Variants in IPP observed in about 807,000 individuals in gnomAD.
The protein encoded by IPP is intracisternal A particle-promoted polypeptide.
In IPP, 41 loss-of-function variants were observed where a neutral mutation model predicts 64.1. The ratio of observed to expected loss-of-function variants is 0.64; its 90% CI spans 0.50 to 0.83. The LOEUF (loss-of-function observed/expected upper bound fraction) is 0.83, where lower values mean the gene tolerates loss of function less well. Ranked by LOEUF, IPP falls within the 40% of genes least tolerant of loss-of-function variation. IPP has a pLI of 0.00. For missense variants in IPP, 649 were observed against 703.0 expected (o/e 0.92, Z 0.87); for synonymous variants, 214 against 235.2 (o/e 0.91, Z 0.83).
chr1:45,711,891 A>C, intron 8 of IPP, among the ~76,000 whole-genome samples: 1 of 152,244 alleles, frequency 6.6e-6, no homozygotes, highest in East Asian at 1.9e-4. Flanking sequence ...GTGAAGCTAA[A>C]CCTGACAGAA....
At chr1:45,696,357 CTTAAAG>C (rs1453856266), downstream of IPP, among the ~76,000 whole-genome samples, 8 of 152,166 alleles carry the variant, frequency 5.3e-5, no homozygotes, top group South Asian at 4.1e-4. Flanking sequence ...TGTGCAAGTC[CTTAAAG>C]TTAAAACAAA....
chr1:45,701,476 A>T (rs1645454710), intron 8 of IPP, among the ~76,000 whole-genome samples: 1 of 152,100 alleles, frequency 6.6e-6, no homozygotes, highest in African/African-American at 2.4e-5. Flanking sequence ...TTTGGTAGAG[A>T]CAGTTTCACC....
intron 3 of IPP, among the ~76,000 whole-genome samples, chr1:45,735,840 G>A (rs575426067): frequency 9.8e-5 from 12 of 122,302 alleles, no homozygotes; most frequent in African/African-American, 2.5e-4. Context: ...GGCCAGGCGC[G>A]GTGTCTCACG....
chr1:45,699,237 C>A lies in IPP; in HGVS notation c.*729G>T. On this transcript the variant is annotated 3_prime_UTR_variant, in exon 9 of 9. Coordinates refer to ENST00000396478, the MANE Select transcript of IPP (RefSeq NM_005897.3). ...TTCCCAAACACCCCTCCTAGGATAT[C>A]TGCTGCCAATAAAAAGTTTGGGGCT... 4 of 985,310 alleles carry A rather than the reference C, an allele frequency of 4.1e-6. No homozygotes were observed. The highest frequency in any genetic ancestry group is 4.8e-6 in the Non-Finnish European group (4 of 829,868). 61.0% of individuals were successfully genotyped at this position (985,310 alleles called of 1,614,324 possible).
chr1:45,725,114 G>T (rs1171004119), intron 5 of IPP, among the ~76,000 whole-genome samples: 2 of 136,184 alleles, frequency 1.5e-5, no homozygotes, highest in Non-Finnish European at 3.2e-5. Context: ...GGAGGGGGGA[G>T]GGGGGGTCAG....
chr1:45,724,961 ACTGGGAAG>A (rs1382631202), intron 5 of IPP, among the ~76,000 whole-genome samples: 4 of 90,028 alleles, frequency 4.4e-5, no homozygotes, highest in Non-Finnish European at 4.6e-5. Context: ...GGCCGCCCCT[ACTGGGAAG>A]TGAGGAGCCC....
At chr1:45,729,060 C>T (rs1645871237) in intron 4 of IPP, among the ~76,000 whole-genome samples, 2 of 150,536 alleles carry the variant, frequency 1.3e-5, no homozygotes, top group Admixed American at 6.6e-5. Flanking sequence ...GCAGTAGAAT[C>T]GCTTGAACCC....
intron 2 of IPP, among the ~76,000 whole-genome samples, chr1:45,745,720 G>T (rs1646124699): frequency 1.3e-5 from 2 of 151,408 alleles, no homozygotes; most frequent in African/African-American, 2.4e-5. Flanking sequence ...AAAAAAATTA[G>T]CCAGGTGTGG....
chr1:45,747,432 G>C (rs745934683), intron 1 of IPP, among the ~76,000 whole-genome samples: 1 of 152,140 alleles, frequency 6.6e-6, no homozygotes, highest in African/African-American at 2.4e-5. Context: ...GACAGTCTCA[G>C]TATCTGAATC....
chr1:45,746,327 T>G lies in IPP; in HGVS notation c.85A>C (p.Lys29Gln). The change falls in exon 2 of 9, where the codon AAG (lysine) becomes CAG (glutamine). Residue 29 changes from lysine (K) to glutamine (Q), a missense_variant. Physicochemically the swap from Lys to Gln is moderately conservative, Grantham distance 53. Coordinates refer to ENST00000396478, the MANE Select transcript of IPP (RefSeq NM_005897.3). ...HAQLILAQIN[K>Q]MRNGQHFCDV... is the part of the protein sequence containing the mutation. ...CAGAAATGCTGTCCATTTCTCATCT[T>G]ATTGATTTGGGCCAAGATGAGTTGG... is the stretch of plus-strand genomic sequence containing the variant. The G allele has an allele frequency of 6.2e-7, 1 of 1,614,088 alleles. No individual in the cohort carries two copies. Among genetic ancestry groups the G allele is most frequent in the Non-Finnish European group, 8.5e-7 (1 of 1,179,972 alleles).
intron 5 of IPP, among the ~76,000 whole-genome samples, chr1:45,722,012 T>C (rs954556001): frequency 6.6e-6 from 1 of 151,968 alleles, no homozygotes; most frequent in African/African-American, 2.4e-5. Flanking sequence ...GAGGTTGCAG[T>C]GAGCCGAGAT....
intron 8 of IPP, 44 bp from the exon 9 acceptor site, chr1:45,700,234 A>C: frequency 6.4e-7 from 1 of 1,568,118 alleles, no homozygotes; most frequent in South Asian, 1.2e-5. Context: ...GTGTTATGAA[A>C]TGATAGTAAA....
chr1:45,704,035 T>TTTCTC (rs904761254), intron 8 of IPP, among the ~76,000 whole-genome samples: 1 of 152,084 alleles, frequency 6.6e-6, no homozygotes, highest in African/African-American at 2.4e-5. Flanking sequence ...GTCTCCTACC[T>TTTCTC]TTCTCTTCTC....
intron 1 of IPP, among the ~76,000 whole-genome samples, chr1:45,748,693 CA>C (rs1021838698): frequency 1.3e-4 from 20 of 151,966 alleles, no homozygotes; most frequent in Admixed American, 1.2e-3. Flanking sequence ...CAACAAAAAG[CA>C]GGTGCGGTGA....
rs751299227 is a variant in IPP at position 45,746,348 on chromosome 1, G to T, written c.64C>A (p.Leu22Ile). The change falls in exon 2 of 9, where the codon CTC becomes ATC. Residue 22 changes from leucine (L) to isoleucine (I), a missense_variant. By Grantham distance (5) the Leu-to-Ile change is conservative. Coordinates refer to ENST00000396478, the MANE Select transcript of IPP (RefSeq NM_005897.3). ...ATCTTATTGATTTGGGCCAAGATGA[G>T]TTGGGCATGTTTATCTGATGAAAAA... ...SPFSSDKHAQ[L>I]ILAQINKMRN... is the part of the protein sequence containing the mutation. The T allele has an allele frequency of 1.2e-5, 19 of 1,613,772 alleles. No homozygotes were observed. Among genetic ancestry groups the T allele is most frequent in the Non-Finnish European group, 1.6e-5 (19 of 1,179,654 alleles).
intron 3 of IPP, among the ~76,000 whole-genome samples, chr1:45,735,541 C>T (rs569435976): frequency 1.2e-4 from 15 of 125,996 alleles, no homozygotes; most frequent in African/African-American, 4.5e-4. Flanking sequence ...GGCATGATCA[C>T]AGCTCACTGC....
At chr1:45,707,625 AAGGATT>A (rs1645529106) in intron 8 of IPP, among the ~76,000 whole-genome samples, 1 of 152,122 alleles carries the variant, frequency 6.6e-6, no homozygotes. Context: ...GGATACTCTA[AAGGATT>A]AATAAACTTG....
At chr1:45,742,397 A>G (rs1646078706) in intron 2 of IPP, among the ~76,000 whole-genome samples, 1 of 152,250 alleles carries the variant, frequency 6.6e-6, no homozygotes, top group African/African-American at 2.4e-5. Flanking sequence ...ACAAACAACA[A>G]CAGCAACAAC....
At chr1:45,725,689 C>T (rs1318316903) in intron 5 of IPP, among the ~76,000 whole-genome samples, 8 of 139,836 alleles carry the variant, frequency 5.7e-5, no homozygotes, top group East Asian at 4.4e-4. Context: ...GGATGGTTGC[C>T]GGGTCTGTGT....
Sources: gnomAD v4.1 joint callset for allele counts (sites outside exome capture counted in the v4.1 genomes callset) on GRCh38, gnomAD v4.1.1 for gene constraint, MANE v1.5 for transcripts, NCBI Gene and HGNC (gene_info 2026-07-23, HGNC 2026-07-21) for gene names.